RIC3: variants seen among roughly 807,000 people sequenced by gnomAD.
RIC3 encodes protein RIC-3.
A neutral mutation model predicts 27.3 loss-of-function variants in RIC3; 28 were observed. The observed-to-expected ratio is 1.02, with a 90% CI of 0.76 to 1.41. The LOEUF (loss-of-function observed/expected upper bound fraction) is 1.41. RIC3 is among the 40% of genes most tolerant of loss of function. The pLI, the probability that RIC3 is intolerant of heterozygous loss-of-function variation, is 0.00. For synonymous variants in RIC3, 184 were observed against 160.4 expected (o/e 1.15, Z -1.11); for missense variants, 501 against 444.7 (o/e 1.13, Z -1.14).
At chr11:8,141,184 C>T (rs372051790) in intron 1 of RIC3, among the ~76,000 whole-genome samples, 5 of 151,424 alleles carry the variant, frequency 3.3e-5, no homozygotes, top group African/African-American at 7.3e-5. Context: ...CATAACAATA[C>T]TAACTTTAAA....
At chr11:8,104,430 GTGTGTGTC>G (rs1241984575), downstream of RIC3, 26 of 152,240 alleles carry the variant, frequency 1.7e-4, no homozygotes, top group African/African-American at 6.3e-4. Context: ...GTCTGTGTAT[GTGTGTGTC>G]TGTGCGTCTG....
intron 5 of RIC3, among the ~76,000 whole-genome samples, chr11:8,120,978 G>A (rs1207540560): frequency 6.6e-6 from 1 of 151,796 alleles, no homozygotes; most frequent in Non-Finnish European, 1.5e-5. Context: ...ATACTATATG[G>A]GAAAAATATA....
intron 1 of RIC3, among the ~76,000 whole-genome samples, 182 bp downstream of exon 1, chr11:8,168,681 GCCA>G (rs1241082030): frequency 6.6e-6 from 1 of 152,206 alleles, no homozygotes; most frequent in East Asian, 1.9e-4. Flanking sequence ...CATCTGGGCC[GCCA>G]CCCGCTGATA....
the RIC3 span, chr11:8,097,677 G>A: frequency 6.4e-7 from 1 of 1,562,216 alleles, no homozygotes; most frequent in Non-Finnish European, 8.8e-7. Context: ...CAGACCAGAG[G>A]CTGAGTCTGG....
At chr11:8,112,599 T>C (rs1945403703) in intron 5 of RIC3, among the ~76,000 whole-genome samples, 2 of 152,152 alleles carry the variant, frequency 1.3e-5, no homozygotes. Context: ...CCGGCCAACA[T>C]GTATTTTCTT....
chr11:8,153,500 A>G (rs776051617), intron 1 of RIC3: 2 of 423,370 alleles, frequency 4.7e-6, no homozygotes, highest in African/African-American at 2.1e-5. Flanking sequence ...TCCTTGTCAA[A>G]TTTTCCTGCC....
chr11:8,095,454 T>C, the RIC3 span: 15 of 1,565,904 alleles, frequency 9.6e-6, no homozygotes, highest in East Asian at 3.4e-4. Context: ...CAGGCCCTCC[T>C]CTCCTCCTCC....
chr11:8,111,064 C>T lies in RIC3; in HGVS notation c.744G>A (p.Val248=). 1 of 1,614,060 alleles carries T rather than the reference C, an allele frequency of 6.2e-7. No homozygotes were observed. The highest frequency in any genetic ancestry group is 8.5e-7 in the Non-Finnish European group (1 of 1,179,996). Residue 248 remains valine (V), a synonymous_variant, in exon 6 of 6, where the codon GTG becomes GTA. Transcript: ENST00000309737. ...AAAGTTCTTTTGGGTCAGGGTAATCCACCAAGATTGTTTCTTGCCTACGCT... is the reference window on the plus strand; with the variant it reads ...AAAGTTCTTTTGGGTCAGGGTAATCTACCAAGATTGTTTCTTGCCTACGCT... ...CIKRRQETIL[V]DYPDPKELSA...
At chr11:8,147,371 G>C (rs532158978) in intron 1 of RIC3, among the ~76,000 whole-genome samples, 1 of 152,010 alleles carries the variant, frequency 6.6e-6, no homozygotes, top group East Asian at 1.9e-4. Flanking sequence ...ACTGAGATCT[G>C]TCTCAAATTT....
At chr11:8,135,552 G>C (rs967967531) in intron 4 of RIC3, 1 of 152,026 alleles carries the variant, frequency 6.6e-6, no homozygotes, top group Non-Finnish European at 1.5e-5. Context: ...GGATGGCGTT[G>C]AATCTATAAA....
intron 4 of RIC3, among the ~76,000 whole-genome samples, chr11:8,129,074 G>A (rs1363675604): frequency 6.6e-6 from 1 of 151,812 alleles, no homozygotes; most frequent in East Asian, 2.0e-4. Flanking sequence ...ACTCCTAAGT[G>A]ATTTTTCACT....
the RIC3 span, among the ~76,000 whole-genome samples, chr11:8,093,332 C>T: frequency 6.6e-6 from 1 of 152,230 alleles, no homozygotes; most frequent in East Asian, 1.9e-4. Context: ...ACAGACCAGC[C>T]TGGTGTGGCT....
chr11:8,157,449 C>T (rs1408360754), intron 1 of RIC3, among the ~76,000 whole-genome samples: 1 of 152,196 alleles, frequency 6.6e-6, no homozygotes, highest in Non-Finnish European at 1.5e-5. Context: ...CTAACAGTGC[C>T]TTATTGAGAT....
At chr11:8,095,024 A>G in the RIC3 span, among the ~76,000 whole-genome samples, 1,081 of 152,318 alleles carry the variant, frequency 7.1e-3, 28 homozygotes, top group Admixed American at 0.056. Flanking sequence ...GCCAATTGCA[A>G]TCTTTCTCAA....
chr11:8,122,467 G>A (rs1946563984), intron 5 of RIC3, among the ~76,000 whole-genome samples: 2 of 150,310 alleles, frequency 1.3e-5, no homozygotes, highest in Admixed American at 1.4e-4. Flanking sequence ...ATATATATAT[G>A]TACCACAGTT....
Position 8,109,334 on chromosome 11 carries a change from T to A in RIC3, c.*1364A>T, listed in dbSNP as rs777291752. ...ATGACTGGGAATGTCTTTGGGAATG[T>A]GCCCTCTTCGAACTCTCAGGTCTTA... On this transcript the variant is annotated 3_prime_UTR_variant, in exon 6 of 6. Transcript: ENST00000309737. 5 of 152,236 alleles carry A rather than the reference T, an allele frequency of 3.3e-5. No homozygotes were observed. Among genetic ancestry groups the A allele is most frequent in the Non-Finnish European group, 7.3e-5 (5 of 68,046 alleles). The allele number at this position is 152,236 out of a possible 1,614,324, so 9.4% of individuals were successfully genotyped here. A position where few individuals can be genotyped will look rare whatever the true frequency, so the allele number is the denominator to read the frequency against.
At chr11:8,101,928 C>T (rs1944325770), downstream of RIC3, 3 of 361,602 alleles carry the variant, frequency 8.3e-6, no homozygotes, top group Admixed American at 8.4e-5. Context: ...AGCTGAGCAA[C>T]CTCTTCAGCT....
At chr11:8,140,247 C>G (rs1409375485) in intron 1 of RIC3, 54 bp from the exon 2 acceptor site, 7 of 1,474,634 alleles carry the variant, frequency 4.7e-6, no homozygotes, top group African/African-American at 2.8e-5. Context: ...AGATGGCTAT[C>G]ATGAAAACAC....
chr11:8,104,300 C>T (rs1183366581), downstream of RIC3: 3 of 152,094 alleles, frequency 2.0e-5, no homozygotes, highest in Non-Finnish European at 4.4e-5. Flanking sequence ...TCTGGGGCCA[C>T]ACCCCAAAAC....
Sources: gnomAD v4.1 joint callset for allele counts (sites outside exome capture counted in the v4.1 genomes callset) on GRCh38, gnomAD v4.1.1 for gene constraint, MANE v1.5 for transcripts, NCBI Gene and HGNC (gene_info 2026-07-23, HGNC 2026-07-21) for gene names.